The following NDST1 variants were observed in gnomAD, a reference collection of about 807,000 sequenced individuals.
The protein encoded by NDST1 is N-deacetylase and N-sulfotransferase 1, also known as bifunctional heparan sulfate N-deacetylase/N-sulfotransferase 1.
Under a neutral mutation model 92.8 loss-of-function variants are expected in NDST1, and 35 were observed. The ratio of observed to expected loss-of-function variants is 0.38; its 90% CI spans 0.29 to 0.50. The LOEUF (loss-of-function observed/expected upper bound fraction) is 0.50, where lower values mean the gene tolerates loss of function less well. NDST1 is among the 20% of genes least tolerant of loss of function. NDST1 has a pLI of 0.94. For missense variants in NDST1, 822 were observed against 1,182.7 expected (o/e 0.69, Z 4.47); for synonymous variants, 493 against 500.3 (o/e 0.99, Z 0.19).
At chr5:150,542,322 G>A (rs977244688) in intron 9 of NDST1, among the ~76,000 whole-genome samples, 3 of 151,564 alleles carry the variant, frequency 2.0e-5, no homozygotes, top group Admixed American at 6.5e-5. Flanking sequence ...TGAACTCACT[G>A]AGGAGGAGGT....
chr5:150,533,349 C>A (rs1754833569), intron 4 of NDST1, among the ~76,000 whole-genome samples: 1 of 152,214 alleles, frequency 6.6e-6, no homozygotes, highest in Non-Finnish European at 1.5e-5. Flanking sequence ...TGTATTATTT[C>A]TGCTTATAAA....
intron 2 of NDST1, among the ~76,000 whole-genome samples, chr5:150,522,573 A>C (rs1043278894): frequency 2.6e-5 from 4 of 152,142 alleles, no homozygotes; most frequent in Non-Finnish European, 4.4e-5. Flanking sequence ...TTGTTCCTTC[A>C]TTCAACAAAT....
At chr5:150,551,512 C>A (rs1282484179) in intron 13 of NDST1, among the ~76,000 whole-genome samples, 1 of 152,156 alleles carries the variant, frequency 6.6e-6, no homozygotes, top group Non-Finnish European at 1.5e-5. Context: ...GCTGGTCGGG[C>A]TGGAGGAGAG....
chr5:150,510,560 C>T (rs776468267), intron 1 of NDST1, among the ~76,000 whole-genome samples: 14 of 152,256 alleles, frequency 9.2e-5, no homozygotes, highest in Non-Finnish European at 1.8e-4. Flanking sequence ...GTTCCCCACA[C>T]AGCCCCACCC....
chr5:150,517,685 TGC>T (rs1754042420), intron 1 of NDST1, among the ~76,000 whole-genome samples: 1 of 152,234 alleles, frequency 6.6e-6, no homozygotes, highest in East Asian at 1.9e-4. Flanking sequence ...ATTTTTTTAA[TGC>T]GCATATTTTT....
intron 7 of NDST1, chr5:150,539,877 T>C: frequency 1.2e-6 from 1 of 861,696 alleles, no homozygotes; most frequent in South Asian, 5.4e-5. Flanking sequence ...CATTTCAGGA[T>C]TGTAATATTT....
Position 150,545,327 on chromosome 5 carries a change from C to T in NDST1, c.1986C>T (p.Phe662=), listed in dbSNP as rs749277444. ...HKGIDWYMEF[F]PIPSNTTSDF... ...CTTCCTGCAGGTACATGGAGTTCTTCCCCATCCCTTCCAACACCACCTCCG... is the reference window on the plus strand; with the variant it reads ...CTTCCTGCAGGTACATGGAGTTCTTTCCCATCCCTTCCAACACCACCTCCG... The change falls in exon 11 of 15, where the codon TTC becomes TTT. Residue 662 remains phenylalanine (F), a synonymous_variant. Coordinates refer to ENST00000261797, the MANE Select transcript of NDST1 (RefSeq NM_001543.5). The T allele has an allele frequency of 8.7e-6, 14 of 1,614,228 alleles. No homozygotes were observed. In the South Asian group the frequency reaches 9.9e-5, roughly 11 times the overall value.
intron 7 of NDST1, 187 bp downstream of exon 7, chr5:150,539,543 A>G (rs1327351415): frequency 4.1e-6 from 6 of 1,452,674 alleles, no homozygotes; most frequent in Admixed American, 2.7e-5. Flanking sequence ...GAATCCGAGC[A>G]TGCTTTTTTT....
chr5:150,504,134 C>T (rs985965956), upstream of NDST1, among the ~76,000 whole-genome samples: 1 of 152,206 alleles, frequency 6.6e-6, no homozygotes, highest in Non-Finnish European at 1.5e-5. Flanking sequence ...GCCAGCCAAG[C>T]CCTCTGCTTC....
chr5:150,546,605 C>G (rs1755495773), intron 11 of NDST1, among the ~76,000 whole-genome samples: 1 of 152,232 alleles, frequency 6.6e-6, no homozygotes, highest in African/African-American at 2.4e-5. Context: ...AGAGAAGTGT[C>G]CCCTGTCCTG....
chr5:150,526,187 A>T (rs1276500864), intron 2 of NDST1, among the ~76,000 whole-genome samples: 2 of 151,728 alleles, frequency 1.3e-5, no homozygotes, highest in Non-Finnish European at 2.9e-5. Context: ...TCTCCAGGAG[A>T]CCTCCTGAGC....
At position 150,540,156 on chromosome 5, in the gene NDST1, G is replaced by A. The variant is rs764331441; in HGVS notation, c.1641G>A (p.Val547=). Residue 547 remains valine (V), a synonymous_variant, in exon 8 of 15, where the codon GTG becomes GTA. Coordinates refer to ENST00000261797, the MANE Select transcript of NDST1 (RefSeq NM_001543.5). ...RLGLYTFKHL[V]RFLHSWTNLR... is the part of the protein sequence containing the mutation. ...GCCTGTACACCTTCAAGCACCTGGT[G>A]CGCTTCCTGCACTCCTGGACGAACC... 6.2e-7 allele frequency: 1 copy of A among 1,614,222 alleles called. No homozygotes were observed. The highest frequency in any genetic ancestry group is 8.5e-7 in the Non-Finnish European group (1 of 1,180,042).
intron 12 of NDST1, among the ~76,000 whole-genome samples, chr5:150,549,075 G>A (rs542044753): frequency 3.3e-5 from 5 of 152,278 alleles, no homozygotes; most frequent in Non-Finnish European, 5.9e-5. Flanking sequence ...GCAGTGGCAC[G>A]ATCTTGGCTC....
intron 14 of NDST1, 154 bp downstream of exon 14, chr5:150,552,009 C>T (rs1025530137): frequency 2.4e-6 from 2 of 824,762 alleles, no homozygotes; most frequent in Non-Finnish European, 2.9e-6. Context: ...AAAATGGGGG[C>T]TGGGACATGG....
intron 1 of NDST1, among the ~76,000 whole-genome samples, chr5:150,512,133 G>C (rs1374690165): frequency 6.6e-6 from 1 of 152,130 alleles, no homozygotes; most frequent in African/African-American, 2.4e-5. Flanking sequence ...TGAGGTTGCT[G>C]GCAGAGCTCT....
intron 1 of NDST1, among the ~76,000 whole-genome samples, chr5:150,520,335 T>C (rs965302142): frequency 1.9e-4 from 5 of 25,746 alleles, no homozygotes; most frequent in African/African-American, 3.1e-4. Context: ...GTCTTCAGAA[T>C]GAAAAGACTG....
upstream of NDST1, among the ~76,000 whole-genome samples, chr5:150,504,120 G>T (rs1259740709): frequency 6.6e-6 from 1 of 152,150 alleles, no homozygotes; most frequent in Non-Finnish European, 1.5e-5. Context: ...TGGTGCCCAG[G>T]CATGCCAGCC....
intron 8 of NDST1, among the ~76,000 whole-genome samples, 157 bp downstream of exon 8, chr5:150,540,421 C>T (rs1259996926): frequency 6.6e-6 from 1 of 152,170 alleles, no homozygotes; most frequent in African/African-American, 2.4e-5. Context: ...AGCATGGGTG[C>T]GTTCACTCCT....
At chr5:150,522,239 T>C (rs1754270423) in intron 2 of NDST1, among the ~76,000 whole-genome samples, 1 of 151,908 alleles carries the variant, frequency 6.6e-6, no homozygotes, top group Non-Finnish European at 1.5e-5. Context: ...GGGCTCTCTA[T>C]CCCATGCTCT....
Sources: allele counts gnomAD v4.1 joint callset (sites outside exome capture counted in the v4.1 genomes callset), GRCh38; gene constraint gnomAD v4.1.1; transcripts MANE v1.5; gene names NCBI Gene and HGNC (gene_info 2026-07-23, HGNC 2026-07-21).